ATP8A2: variants seen among roughly 807,000 people sequenced by gnomAD.
ATP8A2 encodes phospholipid-transporting ATPase IB.
ATP8A2 carries 100 observed loss-of-function variants against 165.6 expected under a neutral mutation model. That is an observed-to-expected ratio of 0.60 (90% CI 0.51 to 0.71). The LOEUF is 0.71. Ranked by LOEUF, ATP8A2 falls within the 30% of genes least tolerant of loss-of-function variation. ATP8A2 has a pLI of 0.00. For missense variants in ATP8A2, 1,227 were observed against 1,479.5 expected, an observed-to-expected ratio of 0.83 and a Z score of 2.80; for synonymous variants, 543 against 548.8, an observed-to-expected ratio of 0.99 and a Z score of 0.15.
intron 1 of ATP8A2, among the ~76,000 whole-genome samples, chr13:25,464,034 CA>C (rs1489109519): frequency 1.3e-5 from 2 of 152,184 alleles, no homozygotes; most frequent in African/African-American, 4.8e-5. Context: ...AGGAGGAGGA[CA>C]GGGGTGCTTA....
chr13:25,835,408 A>G (rs1425527167), intron 28 of ATP8A2, among the ~76,000 whole-genome samples: 2 of 151,934 alleles, frequency 1.3e-5, no homozygotes, highest in African/African-American at 4.8e-5. Context: ...GACTCTACTC[A>G]CCACACATCT....
chr13:25,628,438 C>T (rs796464864), intron 24 of ATP8A2, among the ~76,000 whole-genome samples: 6 of 152,312 alleles, frequency 3.9e-5, no homozygotes, highest in African/African-American at 1.4e-4. Flanking sequence ...AATGCACTTA[C>T]GTTTTCATAC....
chr13:25,615,773 C>T (rs536974950), intron 24 of ATP8A2, among the ~76,000 whole-genome samples: 2 of 152,278 alleles, frequency 1.3e-5, no homozygotes, highest in East Asian at 3.9e-4. Context: ...AAATTTGCCT[C>T]AGCTCCAGGT....
chr13:25,873,025 G>A (rs1385267455), intron 33 of ATP8A2, among the ~76,000 whole-genome samples: 1 of 152,058 alleles, frequency 6.6e-6, no homozygotes, highest in African/African-American at 2.4e-5. Flanking sequence ...GTGTTGGACA[G>A]CACAGCTCTT....
chr13:25,610,335 C>T (rs548973504), intron 24 of ATP8A2, among the ~76,000 whole-genome samples: 25 of 152,100 alleles, frequency 1.6e-4, no homozygotes, highest in Non-Finnish European at 3.2e-4. Flanking sequence ...CTACATGTGG[C>T]TTGTCAATTA....
chr13:25,823,833 AT>A, intron 27 of ATP8A2, among the ~76,000 whole-genome samples: 1 of 152,114 alleles, frequency 6.6e-6, no homozygotes, highest in Middle Eastern at 3.4e-3. Context: ...ATCTTTGAAC[AT>A]TTTTTTAACT....
At position 25,750,113 on chromosome 13, in the gene ATP8A2, A is replaced by G. The variant is rs2044122303; in HGVS notation, c.2385-18933A>G. ...TCTTTAGAAATCATCTGATTGTCTC[A>G]ATATTTATTTACTTATTTGTGTCCC... is the stretch of plus-strand genomic sequence containing the variant. On this transcript the variant is annotated intron_variant, in intron 25 of 36. Transcript: ENST00000381655. The surrounding 1 kb of genome is among the most constrained non-coding windows in gnomAD (Gnocchi z 4.3). 6.6e-6 allele frequency among the ~76,000 whole-genome samples: 1 copy of G among 152,162 alleles called. No individual in the cohort carries two copies. The highest frequency in any genetic ancestry group is 1.5e-5 in the Non-Finnish European group (1 of 68,028).
chr13:25,998,631 G>A (rs990547123), intron 35 of ATP8A2, among the ~76,000 whole-genome samples: 1 of 152,190 alleles, frequency 6.6e-6, no homozygotes. Flanking sequence ...CTGGGACAGA[G>A]GAAATCAAGC....
At chr13:25,694,544 A>G (rs2137885376) in intron 24 of ATP8A2, among the ~76,000 whole-genome samples, 1 of 152,306 alleles carries the variant, frequency 6.6e-6, no homozygotes, top group Admixed American at 6.5e-5. Flanking sequence ...CCAAGCTGGC[A>G]TTTCCCCAGG....
At chr13:25,768,079 G>GC (rs897411805) in intron 25 of ATP8A2, among the ~76,000 whole-genome samples, 3 of 139,602 alleles carry the variant, frequency 2.1e-5, no homozygotes, top group African/African-American at 5.2e-5. Flanking sequence ...GGTGGCGTGG[G>GC]GGGGGGGTGG....
intron 28 of ATP8A2, among the ~76,000 whole-genome samples, chr13:25,834,515 G>A (rs1951555915): frequency 6.6e-6 from 1 of 152,108 alleles, no homozygotes; most frequent in East Asian, 1.9e-4. Flanking sequence ...CTGTCAGTGG[G>A]TGAATGGCTA....
At chr13:25,879,978 G>C (rs532029245) in intron 33 of ATP8A2, among the ~76,000 whole-genome samples, 24 of 152,200 alleles carry the variant, frequency 1.6e-4, no homozygotes, top group Admixed American at 1.3e-3. Context: ...AGTTTTTCCC[G>C]TGAGAAAAAT....
At chr13:25,990,111 C>A (rs1160851534) in intron 35 of ATP8A2, among the ~76,000 whole-genome samples, 1 of 152,130 alleles carries the variant, frequency 6.6e-6, no homozygotes, top group African/African-American at 2.4e-5. Context: ...GGCCTTGTGG[C>A]CTTGCCATTT....
At chr13:25,512,451 G>T (rs1430991736) in intron 2 of ATP8A2, among the ~76,000 whole-genome samples, 5 of 152,116 alleles carry the variant, frequency 3.3e-5, no homozygotes, top group African/African-American at 1.2e-4. Flanking sequence ...TTCCCAGTGG[G>T]GGCGGCCAGG....
At position 25,832,459 on chromosome 13, in the gene ATP8A2, C is replaced by T. The variant is rs569494858; in HGVS notation, c.2754+4267C>T. Among the ~76,000 whole-genome samples the T allele has an allele frequency of 3.9e-5, 6 of 152,038 alleles. No homozygotes were observed. The East Asian group carries it at 5.8e-4, about 15-fold the overall frequency. ...TATAAACATAAATACAAAAATTCTA[C>T]GTAAAATATTGGCAAATGGAGTCCA... is the stretch of plus-strand genomic sequence containing the variant. On this transcript the variant is annotated intron_variant, in intron 28 of 36. Coordinates refer to ENST00000381655, the MANE Select transcript of ATP8A2 (RefSeq NM_016529.6).
chr13:25,569,569 C>A (rs1256421530), intron 16 of ATP8A2, among the ~76,000 whole-genome samples: 1 of 152,150 alleles, frequency 6.6e-6, no homozygotes, highest in Non-Finnish European at 1.5e-5. Flanking sequence ...TTGCTTATCA[C>A]CCCTGCCTTG....
chr13:25,918,686 C>T (rs1954341079), intron 33 of ATP8A2, among the ~76,000 whole-genome samples: 1 of 152,170 alleles, frequency 6.6e-6, no homozygotes, highest in Non-Finnish European at 1.5e-5. Flanking sequence ...CAAGTCAACA[C>T]ATAGAAAATT....
chr13:25,730,988 C>A (rs2043610166), intron 25 of ATP8A2, among the ~76,000 whole-genome samples: 1 of 151,760 alleles, frequency 6.6e-6, no homozygotes, highest in African/African-American at 2.4e-5. Flanking sequence ...ACAGGAGGAT[C>A]ACTTGAACCT....
chr13:25,830,493 A>C (rs1433834417), intron 28 of ATP8A2, among the ~76,000 whole-genome samples: 1 of 152,120 alleles, frequency 6.6e-6, no homozygotes, highest in Non-Finnish European at 1.5e-5. Flanking sequence ...GGCAGTTGGG[A>C]TGGAATGGTC....
Sources: allele counts gnomAD v4.1 joint callset (sites outside exome capture counted in the v4.1 genomes callset), GRCh38; gene constraint gnomAD v4.1.1; non-coding constraint Gnocchi (gnomAD v3.1); transcripts MANE v1.5; gene names NCBI Gene and HGNC (gene_info 2026-07-23, HGNC 2026-07-21).